The following SV2B variants were observed in gnomAD, a reference collection of about 807,000 sequenced individuals.
The protein encoded by SV2B is solute carrier family 22 member B2.
A neutral mutation model predicts 73.9 loss-of-function variants in SV2B; 41 were observed. The ratio of observed to expected loss-of-function variants is 0.56; its 90% confidence interval spans 0.43 to 0.72. SV2B has a LOEUF of 0.72. Among genes scored for constraint, SV2B ranks in the 30% least tolerant of loss-of-function variants. The pLI is 0.00. For synonymous variants in SV2B, 314 were observed against 314.2 expected (o/e 1.00, Z 0.01); for missense variants, 764 against 857.8 (o/e 0.89, Z 1.37).
intron 1 of SV2B, among the ~76,000 whole-genome samples, chr15:91,147,468 T>G (rs1419765269): frequency 1.3e-5 from 2 of 152,228 alleles, no homozygotes; most frequent in African/African-American, 4.8e-5. Context: ...AGCAGGATTT[T>G]TTCCTGCTTT....
At chr15:91,287,100 C>G (rs867834806) in intron 11 of SV2B, among the ~76,000 whole-genome samples, 19 of 152,202 alleles carry the variant, frequency 1.2e-4, no homozygotes, top group Non-Finnish European at 1.6e-4. Flanking sequence ...TTCTAGTTCT[C>G]TCCTAGCTTT....
intron 9 of SV2B, among the ~76,000 whole-genome samples, chr15:91,270,613 T>TTGTA (rs1360866175): frequency 6.6e-6 from 1 of 152,228 alleles, no homozygotes; most frequent in Admixed American, 6.5e-5. Context: ...TCCTTGTGAT[T>TTGTA]TGTAACAAGC....
At chr15:91,152,858 A>C (rs2043356956) in intron 1 of SV2B, among the ~76,000 whole-genome samples, 1 of 152,240 alleles carries the variant, frequency 6.6e-6, no homozygotes, top group African/African-American at 2.4e-5. Context: ...CATGTATCTT[A>C]GTCCATTTTG....
At chr15:91,107,297 G>GTTTGTTTGTTTATTTATTTA (rs140617996) in intron 1 of SV2B, among the ~76,000 whole-genome samples, 2,996 of 145,798 alleles carry the variant, frequency 0.021, 38 homozygotes, top group Middle Eastern at 0.034. Flanking sequence ...TTATTTGTTT[G>GTTTGTTTGTTTATTTATTTA]TTTATTTATT....
At chr15:91,247,695 G>A (rs1162827121) in intron 2 of SV2B, among the ~76,000 whole-genome samples, 1 of 152,150 alleles carries the variant, frequency 6.6e-6, no homozygotes, top group East Asian at 1.9e-4. Context: ...AATTGCTGCA[G>A]TCAGGCTGAA....
Position 91,267,807 on chromosome 15 carries a change from T to C in SV2B, c.1208+164T>C, listed in dbSNP as rs1326786263. Among the ~76,000 whole-genome samples the C allele has an allele frequency of 1.4e-5, 2 of 144,674 alleles. No individual in the cohort carries two copies. Among genetic ancestry groups the C allele is most frequent in the Admixed American group, 6.8e-5 (1 of 14,670 alleles). The allele number at this position is 144,674 out of a possible 152,430, so 94.9% of individuals were successfully genotyped here. ...TAGTGGCTTCTACAAAGAAGAAACT[T>C]TTTTTTTTTTTTTTGAGACAGAGTC... On this transcript the variant is annotated intron_variant, in intron 8 of 12. Transcript: ENST00000394232. The surrounding 1 kb of genome is among the most constrained non-coding windows in gnomAD (Gnocchi z 4.3).
chr15:91,268,416 C>G lies in SV2B; in HGVS notation c.1209-25C>G. 1 of 1,597,626 alleles carries G rather than the reference C, an allele frequency of 6.3e-7. No individual in the cohort carries two copies. The highest frequency in any genetic ancestry group is 8.6e-7 in the Non-Finnish European group (1 of 1,168,196). ...GAAAGAATGAATCCTGTTGTTGTTG[C>G]AACCTTCTGCCTTCTCCACTCCAGT... On this transcript the variant is annotated intron_variant, in intron 8 of 12. Coordinates refer to ENST00000394232, the MANE Select transcript of SV2B (RefSeq NM_001323032.3). This position sits in a 1 kb window ranked among gnomAD's most constrained non-coding sequence, Gnocchi z 4.4.
chr15:91,138,078 G>A (rs2042896034), intron 1 of SV2B, among the ~76,000 whole-genome samples: 3 of 152,180 alleles, frequency 2.0e-5, no homozygotes, highest in Admixed American at 2.0e-4. Context: ...GATTTTATAT[G>A]TATCTTGATA....
chr15:91,289,586 A>G lies in SV2B; in HGVS notation c.1774A>G (p.Met592Val), dbSNP rs796545057. ...FLFFGNSESAMIGWQCLFCGT... is the reference protein window; with the variant it reads ...FLFFGNSESAVIGWQCLFCGT... ...GTTTTTTGGCAACAGTGAGTCTGCA[A>G]TGATCGGCTGGCAGTGCCTGTTCTG... is the stretch of plus-strand genomic sequence containing the variant. The change falls in exon 12 of 13, where the codon ATG (methionine) becomes GTG (valine). Residue 592 changes from methionine to valine, a missense_variant. Physicochemically the swap from Met to Val is conservative, Grantham distance 21 (BLOSUM62 1). Transcript: ENST00000394232. This position sits in a 1 kb window ranked among gnomAD's most constrained non-coding sequence, Gnocchi z 4.9. The G allele has an allele frequency of 2.1e-5, 34 of 1,614,068 alleles. No individual in the cohort carries two copies. Among genetic ancestry groups the G allele is most frequent in the Admixed American group, 6.7e-5 (4 of 60,004 alleles).
At chr15:91,199,176 TA>T (rs149185854) in intron 1 of SV2B, among the ~76,000 whole-genome samples, 1,554 of 152,138 alleles carry the variant, frequency 0.01, 28 homozygotes, top group African/African-American at 0.036. Context: ...TATAAACACT[TA>T]AAAAAATCAT....
chr15:91,273,880 A>T lies in SV2B; in HGVS notation c.1373+5275A>T, dbSNP rs76893659. 5.3e-3 allele frequency among the ~76,000 whole-genome samples: 800 copies of T among 152,288 alleles called. 7 individuals carry two copies. The highest frequency in any genetic ancestry group is 0.017 in the African/African-American group (708 of 41,566). ...TTCACGCATTTTTTACACTTTTTGCATATACATGTGTATCATAAACATTGT... is the reference window on the plus strand; with the variant it reads ...TTCACGCATTTTTTACACTTTTTGCTTATACATGTGTATCATAAACATTGT... On this transcript the variant is annotated intron_variant, in intron 9 of 12. Transcript: ENST00000394232.
chr15:91,122,111 C>T lies in SV2B; in HGVS notation c.-392+21748C>T, dbSNP rs952379478. Among the ~76,000 whole-genome samples, 2 of 152,174 alleles carry T rather than the reference C, an allele frequency of 1.3e-5. No homozygotes were observed. Among genetic ancestry groups the T allele is most frequent in the African/African-American group, 2.4e-5 (1 of 41,444 alleles). On this transcript the variant is annotated intron_variant, in intron 1 of 12. Coordinates refer to ENST00000394232, the MANE Select transcript of SV2B (RefSeq NM_001323032.3). This position sits in a 1 kb window ranked among gnomAD's most constrained non-coding sequence, Gnocchi z 4.3. ...AAAAGTAATGCTTGCCTGTTGACTC[C>T]AGGAGTCTGACGCCAAAGACTGAAC... is the stretch of plus-strand genomic sequence containing the variant.
At chr15:91,158,576 T>G (rs1281273289) in intron 1 of SV2B, among the ~76,000 whole-genome samples, 1 of 151,168 alleles carries the variant, frequency 6.6e-6, no homozygotes, top group Non-Finnish European at 1.5e-5. Flanking sequence ...GCTAGTGGGG[T>G]AGGGGAGGGG....
intron 1 of SV2B, among the ~76,000 whole-genome samples, chr15:91,208,296 G>C (rs2045719111): frequency 6.6e-6 from 1 of 152,020 alleles, no homozygotes; most frequent in African/African-American, 2.4e-5. Flanking sequence ...ATGCACAACA[G>C]CTTGCAGATA....
chr15:91,243,018 T>C (rs1159168235), intron 2 of SV2B, among the ~76,000 whole-genome samples: 3 of 152,196 alleles, frequency 2.0e-5, no homozygotes, highest in African/African-American at 7.2e-5. Context: ...ACACTCCCTA[T>C]TAGGGATGTC....
In SV2B at chr15:91,252,865, T is replaced by G. The variant is rs2141616644; in HGVS notation, c.784+345T>G. Among the ~76,000 whole-genome samples the G allele has an allele frequency of 6.6e-6, 1 of 152,218 alleles. No individual in the cohort carries two copies. Among genetic ancestry groups the G allele is most frequent in the African/African-American group, 2.4e-5 (1 of 41,546 alleles). On this transcript the variant is annotated intron_variant, in intron 4 of 12. Transcript: ENST00000394232. This position sits in a 1 kb window ranked among gnomAD's most constrained non-coding sequence, Gnocchi z 4.6. ...TCCCCCTGAGCAACTTGGGCTTTGG[T>G]AACCTGATTTAATAGATGACAGGTA...
intron 1 of SV2B, among the ~76,000 whole-genome samples, chr15:91,109,812 T>G (rs55667733): frequency 0.51 from 77,068 of 151,972 alleles, 20,576 homozygotes; most frequent in Middle Eastern, 0.59. Context: ...TTGGTCTCAC[T>G]GCAACCTCTG....
chr15:91,137,594 T>TTTC lies in SV2B; in HGVS notation c.-392+37231_-392+37232insTTC, dbSNP rs2042872387. 4.0e-5 allele frequency among the ~76,000 whole-genome samples: 3 copies of TTTC among 75,238 alleles called. No individual in the cohort carries two copies. Among genetic ancestry groups the TTTC allele is most frequent in the African/African-American group, 1.1e-4 (3 of 26,696 alleles). 49.4% of individuals were successfully genotyped at this position (75,238 alleles called of 152,430 possible). A position where few individuals can be genotyped will look rare whatever the true frequency, so the allele number is the denominator to read the frequency against. On this transcript the variant is annotated intron_variant, in intron 1 of 12. Transcript: ENST00000394232. This position sits in a 1 kb window ranked among gnomAD's most constrained non-coding sequence, Gnocchi z 4.9. ...AATATATATATATATATTTCTCATA[T>TTTC]ATATATATATTTCATATATATATTT...
rs16945429 is a variant in SV2B at position 91,242,728 on chromosome 15, C to T, written c.452-9091C>T. Among the ~76,000 whole-genome samples the T allele has an allele frequency of 0.27, 41,623 of 152,058 alleles. 7,849 individuals carry two copies. The highest frequency in any genetic ancestry group is 0.54 in the African/African-American group (22,351 of 41,454). ...AGTAACCGTCATAGGATGAAGAGATCTGACCCAGGAGTTACCTATTATTTT... is the reference window on the plus strand; with the variant it reads ...AGTAACCGTCATAGGATGAAGAGATTTGACCCAGGAGTTACCTATTATTTT... On this transcript the variant is annotated intron_variant, in intron 2 of 12. Transcript: ENST00000394232. This position sits in a 1 kb window ranked among gnomAD's most constrained non-coding sequence, Gnocchi z 4.9.
Sources: gnomAD v4.1 joint callset for allele counts (sites outside exome capture counted in the v4.1 genomes callset) on GRCh38, gnomAD v4.1.1 for gene constraint, Gnocchi (gnomAD v3.1) non-coding constraint, MANE v1.5 for transcripts, NCBI Gene and HGNC (gene_info 2026-07-23, HGNC 2026-07-21) for gene names.